RAB38: variants seen among roughly 807,000 people sequenced by gnomAD.
RAB38 encodes ras-related protein Rab-38.
RAB38 carries 15 observed loss-of-function variants against 18.4 expected under a neutral mutation model. That is an observed-to-expected ratio of 0.82 (90% CI 0.55 to 1.26). The LOEUF (loss-of-function observed/expected upper bound fraction) is 1.26. Ranked by LOEUF, RAB38 falls within the 50% of genes most tolerant of loss-of-function variation. RAB38 has a pLI of 0.00. For missense variants in RAB38, 294 were observed against 267.4 expected (o/e 1.10, Z -0.69); for synonymous variants, 101 against 104.4 (o/e 0.97, Z 0.20).
At chr11:87,856,284 C>T in the RAB38 span, among the ~76,000 whole-genome samples, 2 of 152,040 alleles carry the variant, frequency 1.3e-5, no homozygotes, top group African/African-American at 4.8e-5. Context: ...GAGTGATTCT[C>T]ATATACTCTC....
the RAB38 span, among the ~76,000 whole-genome samples, chr11:87,946,470 ATG>A: frequency 3.3e-5 from 5 of 152,114 alleles, no homozygotes; most frequent in African/African-American, 1.2e-4. Flanking sequence ...TACATGTGCC[ATG>A]TTGGTGTGCT....
intron 1 of RAB38, among the ~76,000 whole-genome samples, chr11:88,157,379 A>T (rs1943139450): frequency 6.6e-6 from 1 of 152,238 alleles, no homozygotes. Context: ...AGACAGAGAC[A>T]ACCACATAAT....
the RAB38 span, among the ~76,000 whole-genome samples, chr11:87,956,178 G>A: frequency 6.6e-6 from 1 of 152,048 alleles, no homozygotes; most frequent in African/African-American, 2.4e-5. Context: ...ATATTTACTT[G>A]TAAGTAAATA....
chr11:87,952,178 G>T, the RAB38 span, among the ~76,000 whole-genome samples: 1 of 152,060 alleles, frequency 6.6e-6, no homozygotes, highest in African/African-American at 2.4e-5. Flanking sequence ...GGAGCTGGGG[G>T]GTAGGGAACA....
the RAB38 span, among the ~76,000 whole-genome samples, chr11:87,858,759 ATG>A: frequency 6.6e-5 from 10 of 152,176 alleles, no homozygotes; most frequent in East Asian, 1.9e-3. Context: ...GGAAGAAGGG[ATG>A]TTGTTATATG....
At chr11:88,069,614 G>T in the RAB38 span, among the ~76,000 whole-genome samples, 1 of 152,214 alleles carries the variant, frequency 6.6e-6, no homozygotes, top group African/African-American at 2.4e-5. Flanking sequence ...GCACCAATCA[G>T]CACTCTGTAT....
At chr11:88,104,773 C>A in the RAB38 span, among the ~76,000 whole-genome samples, 2 of 152,106 alleles carry the variant, frequency 1.3e-5, no homozygotes, top group Non-Finnish European at 2.9e-5. Context: ...CACTGTAATT[C>A]TTTTTGTGGT....
the RAB38 span, among the ~76,000 whole-genome samples, chr11:87,948,363 T>G: frequency 6.6e-6 from 1 of 152,146 alleles, no homozygotes. Flanking sequence ...TGACTTCCTC[T>G]TTTCCTAACT....
rs190418997 is a variant in RAB38 at position 88,170,064 on chromosome 11, C to G, written c.202+5119G>C. ...AATGCCTTAGCTTTCCTTGGTCAAG[C>G]TGCTACTTGCTTTTCTATCAGAATC... On this transcript the variant is annotated intron_variant, in intron 1 of 2. Transcript: ENST00000243662. Among the ~76,000 whole-genome samples the G allele has an allele frequency of 4.0e-3, 613 of 152,326 alleles. 1 individual carries two copies. Among genetic ancestry groups the G allele is most frequent in the Non-Finnish European group, 5.9e-3 (402 of 68,024 alleles).
chr11:88,148,707 T>A (rs1035917578), intron 2 of RAB38, among the ~76,000 whole-genome samples: 1 of 152,210 alleles, frequency 6.6e-6, no homozygotes, highest in Admixed American at 6.5e-5. Context: ...GCTATCTTAT[T>A]CACAGCTGAA....
At chr11:88,112,253 C>A (rs1240625203), downstream of RAB38, among the ~76,000 whole-genome samples, 1 of 152,176 alleles carries the variant, frequency 6.6e-6, no homozygotes, top group Non-Finnish European at 1.5e-5. Flanking sequence ...CATCCTTTTC[C>A]ACTCAGATCA....
At chr11:87,955,627 A>G in the RAB38 span, among the ~76,000 whole-genome samples, 2 of 152,186 alleles carry the variant, frequency 1.3e-5, no homozygotes, top group African/African-American at 4.8e-5. Flanking sequence ...AACTTAAATG[A>G]ATAAAATAAG....
At chr11:87,881,041 G>A in the RAB38 span, among the ~76,000 whole-genome samples, 14,594 of 151,822 alleles carry the variant, frequency 0.096, 1,032 homozygotes, top group Admixed American at 0.22. Flanking sequence ...GTGAAGTGGC[G>A]TGATCATAAC....
At chr11:88,008,522 T>G in the RAB38 span, among the ~76,000 whole-genome samples, 18 of 152,220 alleles carry the variant, frequency 1.2e-4, no homozygotes, top group African/African-American at 4.1e-4. Context: ...CAGCAATCTG[T>G]ATGAAGAAGC....
chr11:87,861,768 C>G, the RAB38 span, among the ~76,000 whole-genome samples: 1 of 151,782 alleles, frequency 6.6e-6, no homozygotes, highest in African/African-American at 2.4e-5. Context: ...TCATTAGACA[C>G]CCAACTTACA....
the RAB38 span, among the ~76,000 whole-genome samples, chr11:87,929,691 T>C: frequency 6.6e-6 from 1 of 151,562 alleles, no homozygotes; most frequent in South Asian, 2.1e-4. Flanking sequence ...ATTAGGTATA[T>C]CTCCTAATGC....
the RAB38 span, among the ~76,000 whole-genome samples, chr11:88,020,905 T>C: frequency 6.6e-6 from 1 of 151,894 alleles, no homozygotes; most frequent in Non-Finnish European, 1.5e-5. Flanking sequence ...AAACAAATGA[T>C]AATGAAAACA....
the RAB38 span, among the ~76,000 whole-genome samples, chr11:88,005,100 A>C: frequency 6.6e-6 from 1 of 151,484 alleles, no homozygotes; most frequent in African/African-American, 2.4e-5. Flanking sequence ...AGATCCAATA[A>C]GCTTCTTTTT....
At chr11:88,137,213 G>C (rs1942847018) in intron 2 of RAB38, among the ~76,000 whole-genome samples, 1 of 152,114 alleles carries the variant, frequency 6.6e-6, no homozygotes, top group African/African-American at 2.4e-5. Flanking sequence ...AGCCTTTCTA[G>C]ACACACAGAG....
Sources: gnomAD v4.1 joint callset for allele counts (sites outside exome capture counted in the v4.1 genomes callset) on GRCh38, gnomAD v4.1.1 for gene constraint, MANE v1.5 for transcripts, NCBI Gene and HGNC (gene_info 2026-07-23, HGNC 2026-07-21) for gene names.